C12orf42: variants seen among roughly 807,000 people sequenced by gnomAD.
C12orf42 encodes the protein uncharacterized protein C12orf42.
In C12orf42, 25 loss-of-function variants were observed where a neutral mutation model predicts 21.6. The ratio of observed to expected loss-of-function variants is 1.16; its 90% CI spans 0.84 to 1.62. C12orf42 has a LOEUF of 1.62. Ranked by LOEUF, C12orf42 falls within the 40% of genes most tolerant of loss-of-function variation. C12orf42 has a pLI of 0.00. For synonymous variants in C12orf42, 174 were observed against 175.0 expected, an observed-to-expected ratio of 0.99 and a Z score of 0.05; for missense variants, 483 against 459.3, an observed-to-expected ratio of 1.05 and a Z score of -0.47.
downstream of C12orf42, among the ~76,000 whole-genome samples, chr12:103,235,568 C>T (rs947853136): frequency 6.6e-6 from 1 of 151,998 alleles, no homozygotes; most frequent in African/African-American, 2.4e-5. Flanking sequence ...TAATAAAATC[C>T]ATCTGTATAA....
intron 2 of C12orf42, among the ~76,000 whole-genome samples, chr12:103,430,303 G>A (rs1445644330): frequency 1.3e-5 from 2 of 152,106 alleles, no homozygotes; most frequent in African/African-American, 2.4e-5. Context: ...GTGGGCAAAG[G>A]ATATGAACAG....
the C12orf42 span, among the ~76,000 whole-genome samples, chr12:103,544,274 G>C: frequency 1.3e-5 from 2 of 152,126 alleles, no homozygotes; most frequent in African/African-American, 4.8e-5. Context: ...ACTATTAAAA[G>C]ATTTTCTGCT....
chr12:103,497,817 G>T (rs1462890593), upstream of C12orf42, among the ~76,000 whole-genome samples: 2 of 152,170 alleles, frequency 1.3e-5, no homozygotes, highest in East Asian at 3.9e-4. Flanking sequence ...GGATCACTAG[G>T]TCTGGAGATC....
chr12:103,486,815 A>C (rs1483674011), intron 1 of C12orf42, among the ~76,000 whole-genome samples: 1 of 152,142 alleles, frequency 6.6e-6, no homozygotes, highest in Non-Finnish European at 1.5e-5. Flanking sequence ...TATCCCCTAT[A>C]TGATTTTTTA....
At chr12:103,252,161 T>C (rs2034340300) in intron 10 of C12orf42, among the ~76,000 whole-genome samples, 1 of 152,192 alleles carries the variant, frequency 6.6e-6, no homozygotes, top group Non-Finnish European at 1.5e-5. Flanking sequence ...CCATGGTGTA[T>C]ATGTGCCACA....
intron 4 of C12orf42, among the ~76,000 whole-genome samples, chr12:103,308,798 ATAAT>A (rs2038641303): frequency 6.6e-6 from 1 of 152,218 alleles, no homozygotes; most frequent in South Asian, 2.1e-4. Flanking sequence ...CTTTGCAAAG[ATAAT>A]TAAGCTAAAA....
At chr12:103,478,221 G>A (rs1402112281) in intron 2 of C12orf42, 128 bp downstream of exon 2, 2 of 613,192 alleles carry the variant, frequency 3.3e-6, no homozygotes, top group East Asian at 6.2e-5. Context: ...GATAAATATG[G>A]AAACTAAGAG....
At chr12:103,309,173 C>G (rs1250218730) in intron 4 of C12orf42, among the ~76,000 whole-genome samples, 1 of 152,120 alleles carries the variant, frequency 6.6e-6, no homozygotes, top group Non-Finnish European at 1.5e-5. Context: ...CACATGTTGT[C>G]CCAGAGTACA....
intron 4 of C12orf42, among the ~76,000 whole-genome samples, chr12:103,278,201 G>A (rs2035892542): frequency 6.6e-6 from 1 of 152,096 alleles, no homozygotes; most frequent in Non-Finnish European, 1.5e-5. Context: ...CAACAATGGG[G>A]GGGCTATGTC....
the C12orf42 span, among the ~76,000 whole-genome samples, chr12:103,162,112 G>A: frequency 6.6e-6 from 1 of 152,136 alleles, no homozygotes; most frequent in South Asian, 2.1e-4. Flanking sequence ...TTCTATACAT[G>A]GAGTAAGATT....
At chr12:103,530,147 C>T in the C12orf42 span, among the ~76,000 whole-genome samples, 1 of 152,276 alleles carries the variant, frequency 6.6e-6, no homozygotes, top group African/African-American at 2.4e-5. Flanking sequence ...ATTTCCATTT[C>T]GTACTTTTTT....
At chr12:103,240,078 T>C (rs1234121302) in intron 10 of C12orf42, among the ~76,000 whole-genome samples, 1 of 152,186 alleles carries the variant, frequency 6.6e-6, no homozygotes, top group Non-Finnish European at 1.5e-5. Context: ...CCACTAAGCA[T>C]TTACTAATAT....
intron 10 of C12orf42, among the ~76,000 whole-genome samples, chr12:103,240,083 T>C (rs191759029): frequency 9.5e-4 from 145 of 152,314 alleles, no homozygotes; most frequent in Non-Finnish European, 5.7e-4. Context: ...AAGCATTTAC[T>C]AATATACTAC....
At chr12:103,059,396 G>A in the C12orf42 span, among the ~76,000 whole-genome samples, 2 of 152,094 alleles carry the variant, frequency 1.3e-5, no homozygotes, top group African/African-American at 4.8e-5. Flanking sequence ...TCTAACAGAG[G>A]TAAAAAGAGG....
chr12:103,077,621 T>C, the C12orf42 span, among the ~76,000 whole-genome samples: 2 of 152,200 alleles, frequency 1.3e-5, no homozygotes, highest in African/African-American at 4.8e-5. Flanking sequence ...CATTCTCAGC[T>C]TGAGCCTCTT....
At chr12:103,051,997 A>G in the C12orf42 span, among the ~76,000 whole-genome samples, 1 of 152,138 alleles carries the variant, frequency 6.6e-6, no homozygotes, top group African/African-American at 2.4e-5. Flanking sequence ...TGTCCTCACT[A>G]TTTGGTACAT....
At chr12:103,331,558 T>C (rs548593761) in intron 4 of C12orf42, among the ~76,000 whole-genome samples, 1 of 152,194 alleles carries the variant, frequency 6.6e-6, no homozygotes, top group African/African-American at 2.4e-5. Flanking sequence ...TGTCAAGAAG[T>C]AAAGGTAAGG....
the C12orf42 span, among the ~76,000 whole-genome samples, chr12:103,556,131 A>G: frequency 6.6e-6 from 1 of 152,312 alleles, no homozygotes; most frequent in East Asian, 1.9e-4. Flanking sequence ...GAAGAACACA[A>G]GCTTTGGAGT....
At chr12:103,342,043 T>G (rs1371278464) in intron 4 of C12orf42, among the ~76,000 whole-genome samples, 1 of 152,172 alleles carries the variant, frequency 6.6e-6, no homozygotes, top group Non-Finnish European at 1.5e-5. Context: ...AGATCTATTA[T>G]AAATAGATAG....
Sources: allele counts gnomAD v4.1 joint callset (sites outside exome capture counted in the v4.1 genomes callset), GRCh38; gene constraint gnomAD v4.1.1; transcripts MANE v1.5; gene names NCBI Gene and HGNC (gene_info 2026-07-23, HGNC 2026-07-21).